The following NAV2 variants were observed in gnomAD, a reference collection of about 807,000 sequenced individuals.
NAV2 encodes the protein helicase, APC down-regulated 1.
A neutral mutation model predicts 223.2 loss-of-function variants in NAV2; 54 were observed. The observed-to-expected ratio is 0.24, with a 90% confidence interval of 0.19 to 0.30. The LOEUF is 0.30. Ranked by LOEUF, NAV2 falls within the 10% of genes least tolerant of loss-of-function variation. The probability of loss-of-function intolerance (pLI) is 1.00; values close to 1 mark genes in which losing one functional copy is unlikely to be tolerated. For missense variants in NAV2, 2,806 were observed against 3,147.5 expected, an observed-to-expected ratio of 0.89 and a Z score of 2.60; for synonymous variants, 1,279 against 1,239.3, an observed-to-expected ratio of 1.03 and a Z score of -0.67.
chr11:19,766,732 C>T (rs2055262156), intron 1 of NAV2, among the ~76,000 whole-genome samples: 1 of 152,174 alleles, frequency 6.6e-6, no homozygotes, highest in Non-Finnish European at 1.5e-5. Flanking sequence ...CTTCTATAGG[C>T]CACTTGGGAA....
chr11:19,751,588 C>T (rs924856448), intron 1 of NAV2, among the ~76,000 whole-genome samples: 6 of 152,194 alleles, frequency 3.9e-5, no homozygotes, highest in Admixed American at 2.0e-4. Context: ...GCTTTTCCAC[C>T]GATAAACACG....
intron 3 of NAV2, among the ~76,000 whole-genome samples, chr11:19,865,089 A>C (rs1378424579): frequency 6.6e-6 from 1 of 152,238 alleles, no homozygotes; most frequent in Admixed American, 6.5e-5. Flanking sequence ...AAAGTAGTTT[A>C]TATTGGCCAC....
the NAV2 span, among the ~76,000 whole-genome samples, chr11:19,345,563 C>T: frequency 6.6e-6 from 1 of 152,326 alleles, no homozygotes; most frequent in South Asian, 2.1e-4. This position sits in a 1 kb window ranked among gnomAD's most constrained non-coding sequence, Gnocchi z 5.2. Flanking sequence ...CCTCTCAAGC[C>T]ACCCGGCCGC....
intron 1 of NAV2, among the ~76,000 whole-genome samples, chr11:19,690,578 T>G (rs2049145741): frequency 6.6e-6 from 1 of 152,172 alleles, no homozygotes. Flanking sequence ...TTAATTAAAA[T>G]AAAGTTTGGG....
At chr11:19,708,344 C>A (rs914106337), upstream of NAV2, among the ~76,000 whole-genome samples, 2 of 152,100 alleles carry the variant, frequency 1.3e-5, no homozygotes, top group East Asian at 1.9e-4. Context: ...ATTTTTTTTA[C>A]TCCCAAATAA....
intron 1 of NAV2, among the ~76,000 whole-genome samples, chr11:19,501,529 T>G (rs1447535732): frequency 6.6e-6 from 1 of 152,106 alleles, no homozygotes; most frequent in Admixed American, 6.6e-5. Flanking sequence ...GCTAAACACA[T>G]TCCCAAAAAC....
At chr11:19,881,964 G>A (rs2063242874) in intron 5 of NAV2, among the ~76,000 whole-genome samples, 1 of 152,198 alleles carries the variant, frequency 6.6e-6, no homozygotes, top group South Asian at 2.1e-4. Flanking sequence ...TACCATTTAT[G>A]TGGATGACAG....
At chr11:20,024,291 C>T (rs1387840375) in intron 11 of NAV2, among the ~76,000 whole-genome samples, 1 of 152,164 alleles carries the variant, frequency 6.6e-6, no homozygotes, top group African/African-American at 2.4e-5. Context: ...GCTGGGAGTT[C>T]TGTGATCTTG....
At chr11:20,094,524 G>A (rs1052594346) in intron 29 of NAV2, among the ~76,000 whole-genome samples, 1 of 152,028 alleles carries the variant, frequency 6.6e-6, no homozygotes, top group South Asian at 2.1e-4. Flanking sequence ...CACCACAGCC[G>A]GCTGGGAAAC....
intron 1 of NAV2, among the ~76,000 whole-genome samples, chr11:19,629,542 GACACACACACACAC>G (rs10604730): frequency 1.3e-4 from 18 of 134,826 alleles, no homozygotes; most frequent in Non-Finnish European, 2.8e-4. Flanking sequence ...CTCTCTCTCT[GACACACACACACAC>G]ACACACACAC....
chr11:19,562,848 A>G (rs1163736350), intron 1 of NAV2, among the ~76,000 whole-genome samples: 1 of 152,226 alleles, frequency 6.6e-6, no homozygotes, highest in African/African-American at 2.4e-5. Flanking sequence ...ATTCAGAGCC[A>G]ATCATATGTA....
rs566591060 is a variant in NAV2 at position 19,568,268 on chromosome 11, T to C, written c.75+217241T>C. 7.9e-5 allele frequency among the ~76,000 whole-genome samples: 12 copies of C among 152,302 alleles called. 1 individual carries two copies. In the South Asian group the frequency reaches 2.5e-3, roughly 32 times the overall value. On this transcript the variant is annotated intron_variant, in intron 1 of 37. Transcript: ENST00000360655. ...AGGGCTGTCTTTGGGGGCTCAGAGA[T>C]CTCTAGGCTCAGGCAAGGATGCCCA...
chr11:19,787,268 A>ATTTTTTTTT (rs1565315820), intron 1 of NAV2, among the ~76,000 whole-genome samples: 1 of 29,406 alleles, frequency 3.4e-5, no homozygotes, highest in African/African-American at 1.4e-4. Flanking sequence ...TTTTTATTGG[A>ATTTTTTTTT]TCTTTTTTTT....
chr11:19,612,257 T>A (rs2046667323), intron 1 of NAV2, among the ~76,000 whole-genome samples: 1 of 152,164 alleles, frequency 6.6e-6, no homozygotes. Flanking sequence ...TCTGGGCCTG[T>A]GATGGGAGGG....
At position 19,887,980 on chromosome 11, in the gene NAV2, G is replaced by A. The variant is rs145903401; in HGVS notation, c.771-4454G>A. On this transcript the variant is annotated intron_variant, in intron 5 of 37. Transcript: ENST00000349880. ...TTTTTTTGCCATCAGCACGTACATCGCGTGGAACAGAGGAGCCGGGATGCA... is the reference window on the plus strand; with the variant it reads ...TTTTTTTGCCATCAGCACGTACATCACGTGGAACAGAGGAGCCGGGATGCA... Among the ~76,000 whole-genome samples, 45 of 150,578 alleles carry A rather than the reference G, an allele frequency of 3.0e-4. No homozygotes were observed. In the East Asian group the frequency reaches 8.8e-3, roughly 29 times the overall value.
At chr11:19,746,150 C>T (rs2053320619) in intron 1 of NAV2, among the ~76,000 whole-genome samples, 1 of 152,178 alleles carries the variant, frequency 6.6e-6, no homozygotes, top group Non-Finnish European at 1.5e-5. Flanking sequence ...GCAGCCTCGG[C>T]CCACTTCACA....
chr11:19,892,356 A>C, intron 5 of NAV2, 78 bp from the exon 6 acceptor site: 3 of 1,399,652 alleles, frequency 2.1e-6, no homozygotes, highest in Non-Finnish European at 2.9e-6. Context: ...TGCCTCCTGC[A>C]TGGTTGCAGT....
chr11:19,390,787 G>A (rs1346487675), intron 1 of NAV2, among the ~76,000 whole-genome samples: 2 of 152,128 alleles, frequency 1.3e-5, no homozygotes, highest in African/African-American at 4.8e-5. Context: ...TGGAAGATCA[G>A]GGGAAGAAGA....
At chr11:19,438,138 C>A (rs890482326) in intron 1 of NAV2, among the ~76,000 whole-genome samples, 2 of 152,208 alleles carry the variant, frequency 1.3e-5, no homozygotes, top group Admixed American at 6.5e-5. Flanking sequence ...GTTCTATAGT[C>A]ATTTCATTCT....
Sources: gnomAD v4.1 joint callset for allele counts (sites outside exome capture counted in the v4.1 genomes callset) on GRCh38, gnomAD v4.1.1 for gene constraint, Gnocchi (gnomAD v3.1) non-coding constraint, MANE v1.5 for transcripts, NCBI Gene and HGNC (gene_info 2026-07-23, HGNC 2026-07-21) for gene names.